PRDM1: variants seen among roughly 807,000 people sequenced by gnomAD.
PRDM1 encodes the protein PR domain zinc finger protein 1.
In PRDM1, 13 loss-of-function variants were observed where a neutral mutation model predicts 62.8. The ratio of observed to expected loss-of-function variants is 0.21; its 90% CI spans 0.13 to 0.33. The LOEUF is 0.33. Ranked by LOEUF, PRDM1 falls within the 10% of genes least tolerant of loss-of-function variation. The pLI is 1.00. For synonymous variants in PRDM1, 396 were observed against 417.6 expected (o/e 0.95, Z 0.63); for missense variants, 895 against 1,058.8 (o/e 0.85, Z 2.15).
chr6:106,014,037 C>A (rs969676078), intron 1 of PRDM1, among the ~76,000 whole-genome samples: 1 of 149,610 alleles, frequency 6.7e-6, no homozygotes, highest in African/African-American at 2.5e-5. Context: ...AACCAGAATG[C>A]TAACTCTATG....
chr6:106,050,524 T>C (rs991705548), intron 1 of PRDM1, among the ~76,000 whole-genome samples: 2 of 152,210 alleles, frequency 1.3e-5, no homozygotes, highest in African/African-American at 4.8e-5. Flanking sequence ...TAACATTTAC[T>C]TTTTATTCTT....
chr6:106,045,074 T>G (rs1773052669), upstream of PRDM1, among the ~76,000 whole-genome samples: 2 of 152,218 alleles, frequency 1.3e-5, no homozygotes, highest in Admixed American at 1.3e-4. Context: ...CATGTTTAAG[T>G]GATTTTTTCA....
intron 1 of PRDM1, among the ~76,000 whole-genome samples, chr6:106,001,859 G>A (rs531612316): frequency 2.6e-5 from 4 of 152,226 alleles, no homozygotes; most frequent in African/African-American, 9.6e-5. Context: ...TAAAAAGTGG[G>A]AAAACATTAT....
intron 1 of PRDM1, among the ~76,000 whole-genome samples, chr6:106,050,598 G>C (rs115956547): frequency 6.6e-6 from 1 of 152,112 alleles, no homozygotes; most frequent in African/African-American, 2.4e-5. Context: ...CTTTCTGCGC[G>C]TGCTAGGTTC....
chr6:106,031,826 C>G (rs1265873631), intron 1 of PRDM1, among the ~76,000 whole-genome samples: 1 of 152,174 alleles, frequency 6.6e-6, no homozygotes, highest in African/African-American at 2.4e-5. Flanking sequence ...GATCAGCTAT[C>G]TAATTTTAAA....
intron 1 of PRDM1, among the ~76,000 whole-genome samples, chr6:106,070,957 T>C (rs540524604): frequency 3.2e-4 from 48 of 152,322 alleles, no homozygotes; most frequent in African/African-American, 1.1e-3. Context: ...AATGACATGT[T>C]TGAACCATCT....
chr6:106,086,639 G>A (rs1582458528), intron 1 of PRDM1, 44 bp downstream of exon 1: 2 of 1,488,006 alleles, frequency 1.3e-6, no homozygotes, highest in Non-Finnish European at 1.8e-6. Context: ...AAATTGATCT[G>A]AAAACTTTAT....
chr6:106,056,474 G>A (rs1264646006), intron 1 of PRDM1, among the ~76,000 whole-genome samples: 1 of 152,210 alleles, frequency 6.6e-6, no homozygotes, highest in African/African-American at 2.4e-5. Context: ...GCTCCAGTAT[G>A]TATCAACTTG....
intron 4 of PRDM1, among the ~76,000 whole-genome samples, chr6:106,103,911 A>T (rs1774352326): frequency 6.6e-6 from 1 of 152,178 alleles, no homozygotes; most frequent in African/African-American, 2.4e-5. Context: ...TGGCTAGACC[A>T]GACAGAGCCT....
chr6:106,053,842 C>A (rs1030952946), intron 1 of PRDM1, among the ~76,000 whole-genome samples: 1 of 151,164 alleles, frequency 6.6e-6, no homozygotes, highest in Non-Finnish European at 1.5e-5. Flanking sequence ...CTCCACCCCC[C>A]ACAATGTATA....
chr6:106,063,691 A>G (rs1773383355), intron 1 of PRDM1, among the ~76,000 whole-genome samples: 2 of 152,226 alleles, frequency 1.3e-5, no homozygotes, highest in South Asian at 4.1e-4. Context: ...TGACCAAATC[A>G]TTTGTTAGCT....
intron 1 of PRDM1, among the ~76,000 whole-genome samples, chr6:106,067,094 C>A (rs1412577925): frequency 6.6e-6 from 1 of 152,194 alleles, no homozygotes; most frequent in African/African-American, 2.4e-5. Context: ...GAGCCAAGAT[C>A]TTAACCCAGG....
chr6:106,066,166 G>T (rs887784080), intron 1 of PRDM1, among the ~76,000 whole-genome samples: 1 of 152,106 alleles, frequency 6.6e-6, no homozygotes, highest in African/African-American at 2.4e-5. Context: ...GATTCTGTGC[G>T]TGGTCATTAA....
At chr6:106,084,337 C>T (rs1369237860), upstream of PRDM1, among the ~76,000 whole-genome samples, 1 of 152,202 alleles carries the variant, frequency 6.6e-6, no homozygotes, top group Non-Finnish European at 1.5e-5. Flanking sequence ...TTGAAGTTTG[C>T]GTCCTCCCTA....
At chr6:106,098,110 G>A (rs1386589654) in intron 3 of PRDM1, 5 of 676,386 alleles carry the variant, frequency 7.4e-6, no homozygotes, top group Non-Finnish European at 9.1e-6. Flanking sequence ...TAGTCGGTAC[G>A]TGAGTAAGGA....
At chr6:106,088,149 C>T (rs1303084929) in intron 1 of PRDM1, 52 bp from the exon 2 acceptor site, 1 of 1,540,878 alleles carries the variant, frequency 6.5e-7, no homozygotes, top group Non-Finnish European at 8.8e-7. Context: ...TCAGAAGGAG[C>T]CACAGGAACG....
rs549575941 is a variant in PRDM1, at chr6:106,105,998, C to A, written c.1773+65C>A. 3.9e-4 allele frequency: 597 copies of A among 1,547,588 alleles called. 4 individuals carry two copies. The African/African-American group carries it at 7.5e-3, about 19-fold the overall frequency. ...CATGCTTGTGTTTGTATTTAGCTTGCTTTCCATGGGGTATCGATTGCATTT... is the reference window on the plus strand; with the variant it reads ...CATGCTTGTGTTTGTATTTAGCTTGATTTCCATGGGGTATCGATTGCATTT... On this transcript the variant is annotated intron_variant, in intron 5 of 6. Coordinates refer to ENST00000369096, the MANE Select transcript of PRDM1 (RefSeq NM_001198.4).
chr6:106,046,491 T>A (rs1281011115), upstream of PRDM1: 1 of 152,482 alleles, frequency 6.6e-6, no homozygotes, highest in African/African-American at 2.4e-5. Flanking sequence ...GGGAGGTGTC[T>A]TGTCTTCCTC....
At chr6:106,070,923 T>C (rs1046556101) in intron 1 of PRDM1, among the ~76,000 whole-genome samples, 3 of 152,244 alleles carry the variant, frequency 2.0e-5, no homozygotes, top group Non-Finnish European at 2.9e-5. Context: ...AACAACCATG[T>C]TTCTTTGAAC....
Sources: gnomAD v4.1 joint callset for allele counts (sites outside exome capture counted in the v4.1 genomes callset) on GRCh38, gnomAD v4.1.1 for gene constraint, MANE v1.5 for transcripts, NCBI Gene and HGNC (gene_info 2026-07-23, HGNC 2026-07-21) for gene names.